Variants in MCM10 observed in about 807,000 individuals in gnomAD.
MCM10 encodes minichromosome maintenance 10 replication initiation factor, also known as protein MCM10 homolog.
Under a neutral mutation model 109.9 loss-of-function variants are expected in MCM10, and 91 were observed. The observed-to-expected ratio is 0.83, with a 90% confidence interval of 0.70 to 0.99. MCM10 has a LOEUF of 0.99. Among genes scored for constraint, MCM10 ranks in the 50% least tolerant of loss-of-function variants. The probability of loss-of-function intolerance (pLI) is 0.00; values close to 1 mark genes in which losing one functional copy is unlikely to be tolerated. For synonymous variants in MCM10, 380 were observed against 387.2 expected, an observed-to-expected ratio of 0.98 and a Z score of 0.22; for missense variants, 1,077 against 1,061.2, an observed-to-expected ratio of 1.01 and a Z score of -0.21.
rs1305821543 is a variant in MCM10, at chr10:13,186,214, T to G, written c.1149T>G (p.Ala383=). The G allele has an allele frequency of 3.1e-6, 5 of 1,613,298 alleles. No homozygotes were observed. The highest frequency in any genetic ancestry group is 4.2e-6 in the Non-Finnish European group (5 of 1,179,530). The change falls in exon 9 of 20, where the codon GCT becomes GCG. Residue 383 remains alanine, a synonymous_variant. Transcript: ENST00000378714. Reference sequence around the variant, plus strand: ...AGAAGGTCTTAATTATGGGTGAAGCTCTTGACCTGGGAACCTGTAAAGCCA... The same window carrying G: ...AGAAGGTCTTAATTATGGGTGAAGCGCTTGACCTGGGAACCTGTAAAGCCA... The part of the protein sequence containing the change: ...HPQKVLIMGE[A]LDLGTCKAKK...
chr10:13,201,647 T>C (rs759285003), intron 17 of MCM10, 113 bp downstream of exon 17: 4 of 779,014 alleles, frequency 5.1e-6, no homozygotes, highest in African/African-American at 1.7e-5. Flanking sequence ...ATGTGTCAGT[T>C]AATTAGGCTG....
intron 18 of MCM10, among the ~76,000 whole-genome samples, chr10:13,207,502 G>A (rs1043740045): frequency 1.2e-4 from 19 of 152,178 alleles, no homozygotes; most frequent in Admixed American, 4.6e-4. Flanking sequence ...CAGAAATTGT[G>A]ATATGGTTTG....
Position 13,204,277 on chromosome 10 carries a change from A to G in MCM10, c.2411A>G (p.His804Arg). ...TGCGTCAGTGAGCAGCATGAATACCACTGGCATGATGGTGTGAAGAGGTTT... is the reference window on the plus strand; with the variant it reads ...TGCGTCAGTGAGCAGCATGAATACCGCTGGCATGATGGTGTGAAGAGGTTT... ...ETCVSEQHEY[H>R]WHDGVKRFFK... Residue 804 changes from histidine to arginine, a missense_variant, in exon 18 of 20, where the codon CAC becomes CGC. Coordinates refer to ENST00000378714, the MANE Select transcript of MCM10 (RefSeq NM_018518.5). 2 of 1,614,160 alleles carry G rather than the reference A, an allele frequency of 1.2e-6. No homozygotes were observed. Among genetic ancestry groups the G allele is most frequent in the Non-Finnish European group, 1.7e-6 (2 of 1,180,024 alleles).
At chr10:13,196,285 G>T (rs1380414163) in intron 14 of MCM10, among the ~76,000 whole-genome samples, 1 of 152,114 alleles carries the variant, frequency 6.6e-6, no homozygotes, top group Non-Finnish European at 1.5e-5. Context: ...CTGAAGTAGG[G>T]GTAGGGCACC....
rs372910297 is a variant in MCM10 at position 13,189,066 on chromosome 10, G to T, written c.1401G>T (p.Ser467=). The stretch of plus-strand genomic sequence containing the variant: ...ACTACGGAGGGGTTTCTTCTGCCTC[G>T]TATGCAGCTTCAATGTAAGACGTTC... ...GFYYGGVSSA[S]YAASIAAAVA... The change falls in exon 10 of 20, where the codon TCG becomes TCT. Residue 467 remains serine (S), a synonymous_variant. Transcript: ENST00000378714. 6.2e-7 allele frequency: 1 copy of T among 1,614,056 alleles called. No individual in the cohort carries two copies. Among genetic ancestry groups the T allele is most frequent in the African/African-American group, 1.3e-5 (1 of 74,926 alleles).
At chr10:13,171,749 A>G (rs755527760) in intron 3 of MCM10, among the ~76,000 whole-genome samples, 1 of 151,970 alleles carries the variant, frequency 6.6e-6, no homozygotes, top group Non-Finnish European at 1.5e-5. Context: ...ATGATATCCA[A>G]TTTATGAAGT....
chr10:13,175,713 C>T, intron 6 of MCM10, 32 bp downstream of exon 6: 1 of 1,495,548 alleles, frequency 6.7e-7, no homozygotes, highest in Non-Finnish European at 9.1e-7. Context: ...TCATGTGCGC[C>T]ACGGCATAGC....
intron 8 of MCM10, among the ~76,000 whole-genome samples, chr10:13,184,023 T>A (rs1388011576): frequency 6.6e-6 from 1 of 151,436 alleles, no homozygotes; most frequent in Non-Finnish European, 1.5e-5. Context: ...GCCTAGCTAA[T>A]TTTTTTTGCA....
In MCM10 at chr10:13,201,465, A is replaced by G. The variant is rs775129086; in HGVS notation, c.2283A>G (p.Lys761=). 48 of 1,613,370 alleles carry G rather than the reference A, an allele frequency of 3.0e-5. No individual in the cohort carries two copies. The Admixed American group carries it at 7.7e-4, about 26-fold the overall frequency. Residue 761 remains lysine, a synonymous_variant, in exon 17 of 20, where the codon AAA becomes AAG. Transcript: ENST00000378714. The part of the protein sequence containing the change: ...MQERYFEPLV[K]KEQMEEKMRN... ...AGCGCTACTTTGAGCCACTGGTGAA[A>G]AAAGAACAAATGGAAGAAAAGATGA...
intron 10 of MCM10, among the ~76,000 whole-genome samples, chr10:13,191,053 C>A (rs1463405262): frequency 6.6e-6 from 1 of 151,394 alleles, no homozygotes; most frequent in East Asian, 1.9e-4. Flanking sequence ...TTTTTTATTT[C>A]TTTTGCCAAA....
At chr10:13,168,172 T>C (rs113456629) in intron 2 of MCM10, among the ~76,000 whole-genome samples, 1 of 152,224 alleles carries the variant, frequency 6.6e-6, no homozygotes, top group African/African-American at 2.4e-5. Flanking sequence ...GAACAAGAGA[T>C]GGTGGAGGCC....
chr10:13,187,973 C>T (rs1008737251), intron 9 of MCM10, among the ~76,000 whole-genome samples: 8 of 152,026 alleles, frequency 5.3e-5, no homozygotes, highest in Non-Finnish European at 1.0e-4. Context: ...GGTAAAACCC[C>T]GTCTCCAGTA....
At chr10:13,166,555 A>G (rs1428690137) in intron 2 of MCM10, among the ~76,000 whole-genome samples, 4 of 151,382 alleles carry the variant, frequency 2.6e-5, no homozygotes, top group Non-Finnish European at 5.9e-5. Flanking sequence ...GAATCACTTG[A>G]ACCTGGGAGG....
Position 13,170,976 on chromosome 10 carries a change from C to T in MCM10, c.62C>T (p.Ala21Val), listed in dbSNP as rs768359462. 6.2e-7 allele frequency: 1 copy of T among 1,614,182 alleles called. No individual in the cohort carries two copies. The highest frequency in any genetic ancestry group is 1.3e-5 in the African/African-American group (1 of 75,048). Residue 21 changes from alanine (A) to valine (V), a missense_variant, in exon 3 of 20, where the codon GCC becomes GTC. Coordinates refer to ENST00000378714, the MANE Select transcript of MCM10 (RefSeq NM_018518.5). ...LTALLEENES[A>V]LDCNSEENNF... ...GCACTGCTGGAAGAAAATGAGTCAGCCTTGGATTGTAATTCAGAAGAAAAT... is the reference window on the plus strand; with the variant it reads ...GCACTGCTGGAAGAAAATGAGTCAGTCTTGGATTGTAATTCAGAAGAAAAT...
At chr10:13,204,496 G>A in intron 18 of MCM10, 132 bp downstream of exon 18, 1 of 1,141,450 alleles carries the variant, frequency 8.8e-7, no homozygotes, top group Non-Finnish European at 1.2e-6. Flanking sequence ...CTACCCTTGG[G>A]ACTCAAGCTG....
At position 13,189,019 on chromosome 10, in the gene MCM10, C is replaced by G. The variant is rs202032831; in HGVS notation, c.1354C>G (p.Arg452Gly). Reference sequence around the variant, plus strand: ...CCGCAGAGGCACCAGCCTCAAAGAACGGCTGTGCCAAGATGGCTTTTACTA... The same window carrying G: ...CCGCAGAGGCACCAGCCTCAAAGAAGGGCTGTGCCAAGATGGCTTTTACTA... ...FARRGTSLKE[R>G]LCQDGFYYGG... The change falls in exon 10 of 20, where the codon CGG becomes GGG. Residue 452 changes from arginine (R) to glycine (G), a missense_variant. Arg to Gly is a moderately radical substitution (Grantham distance 125). Transcript: ENST00000378714. 1.2e-6 allele frequency: 2 copies of G among 1,614,238 alleles called. No homozygotes were observed. Among genetic ancestry groups the G allele is most frequent in the Admixed American group, 3.3e-5 (2 of 60,032 alleles).
At position 13,172,263 on chromosome 10, in the gene MCM10, G is replaced by T. The variant is rs1834083897; in HGVS notation, c.350-113G>T. On this transcript the variant is annotated intron_variant, in intron 3 of 19. Coordinates refer to ENST00000378714, the MANE Select transcript of MCM10 (RefSeq NM_018518.5). This position sits in a 1 kb window ranked among gnomAD's most constrained non-coding sequence, Gnocchi z 5.2. ...AGCTTTGGGTATGTGATTATATTGT[G>T]GGTCTCAAGGTATTGGGGCAGGGAG... is the stretch of plus-strand genomic sequence containing the variant. The T allele has an allele frequency of 1.1e-5, 8 of 713,870 alleles. No individual in the cohort carries two copies. Among genetic ancestry groups the T allele is most frequent in the Middle Eastern group, 2.7e-4 (1 of 3,696 alleles). 44.2% of individuals were successfully genotyped at this position (713,870 alleles called of 1,614,324 possible).
chr10:13,170,487 C>G (rs575608342), intron 2 of MCM10, among the ~76,000 whole-genome samples: 2 of 152,066 alleles, frequency 1.3e-5, no homozygotes, highest in South Asian at 4.2e-4. Flanking sequence ...AGTCGGTGTG[C>G]GGGAAGCTGT....
intron 5 of MCM10, among the ~76,000 whole-genome samples, chr10:13,174,103 C>T (rs376057501): frequency 1.4e-5 from 2 of 142,244 alleles, no homozygotes; most frequent in East Asian, 4.1e-4. Context: ...TGAAATGAAA[C>T]AAGAAAGAAG....
Sources: allele counts gnomAD v4.1 joint callset (sites outside exome capture counted in the v4.1 genomes callset), GRCh38; gene constraint gnomAD v4.1.1; non-coding constraint Gnocchi (gnomAD v3.1); transcripts MANE v1.5; gene names NCBI Gene and HGNC (gene_info 2026-07-23, HGNC 2026-07-21).